Variants in MAPK10 observed in about 807,000 individuals in gnomAD.
MAPK10 encodes the protein mitogen-activated protein kinase 10, also known as JNK3 alpha protein kinase.
In MAPK10, 25 loss-of-function variants were observed where a neutral mutation model predicts 59.3. The observed-to-expected ratio is 0.42, with a 90% CI of 0.31 to 0.59. The LOEUF (loss-of-function observed/expected upper bound fraction) is 0.59, where lower values mean the gene tolerates loss of function less well. MAPK10 is among the 20% of genes least tolerant of loss of function. MAPK10 has a pLI of 0.15. For synonymous variants in MAPK10, 190 were observed against 200.5 expected (o/e 0.95, Z 0.44); for missense variants, 351 against 568.9 (o/e 0.62, Z 3.90).
intron 4 of MAPK10, among the ~76,000 whole-genome samples, chr4:86,129,845 A>T (rs2060693245): frequency 6.6e-6 from 1 of 152,118 alleles, no homozygotes; most frequent in Non-Finnish European, 1.5e-5. Context: ...TAGAAAAGAG[A>T]TTTATCTATG....
chr4:86,135,849 T>C (rs2061948205), intron 4 of MAPK10, among the ~76,000 whole-genome samples: 1 of 152,140 alleles, frequency 6.6e-6, no homozygotes, highest in Admixed American at 6.5e-5. Context: ...AAGGAGCTGA[T>C]GGAGCTGAAA....
At chr4:86,567,729 G>T (rs560916050) in intron 1 of MAPK10, among the ~76,000 whole-genome samples, 3 of 152,076 alleles carry the variant, frequency 2.0e-5, no homozygotes, top group Non-Finnish European at 4.4e-5. Context: ...CTGACATACG[G>T]AGAAATTTAA....
At chr4:86,160,087 A>G (rs1313014243) in intron 3 of MAPK10, among the ~76,000 whole-genome samples, 1 of 152,058 alleles carries the variant, frequency 6.6e-6, no homozygotes, top group Non-Finnish European at 1.5e-5. Context: ...CTAAAATACC[A>G]TATGACACTT....
chr4:86,394,582 A>G (rs1185860109), intron 1 of MAPK10, among the ~76,000 whole-genome samples: 1 of 152,168 alleles, frequency 6.6e-6, no homozygotes, highest in East Asian at 1.9e-4. Context: ...CAGCTGAGAA[A>G]CATTTATTTA....
intron 1 of MAPK10, among the ~76,000 whole-genome samples, chr4:86,391,628 G>T (rs1459201493): frequency 6.6e-6 from 1 of 152,154 alleles, no homozygotes; most frequent in Non-Finnish European, 1.5e-5. Context: ...TCAAGTGAAG[G>T]CAAGAATCCT....
intron 11 of MAPK10, among the ~76,000 whole-genome samples, chr4:86,039,822 T>C (rs951450813): frequency 1.3e-5 from 2 of 152,098 alleles, no homozygotes; most frequent in Non-Finnish European, 2.9e-5. Context: ...TTCAGGCCTA[T>C]CCATGGGGAC....
At chr4:86,094,286 T>G (rs1197965035) in intron 9 of MAPK10, among the ~76,000 whole-genome samples, 1 of 152,002 alleles carries the variant, frequency 6.6e-6, no homozygotes, top group Non-Finnish European at 1.5e-5. Flanking sequence ...TACCTATTCC[T>G]TAATAACTTG....
intron 1 of MAPK10, among the ~76,000 whole-genome samples, chr4:86,504,358 G>A (rs568625002): frequency 1.4e-4 from 21 of 152,108 alleles, no homozygotes; most frequent in Non-Finnish European, 2.8e-4. Flanking sequence ...GATCTGGGAA[G>A]TAGTAAAGTA....
At chr4:86,494,581 C>T (rs529744027) in intron 1 of MAPK10, among the ~76,000 whole-genome samples, 21 of 152,182 alleles carry the variant, frequency 1.4e-4, no homozygotes, top group African/African-American at 5.1e-4. Flanking sequence ...CGTGGTGGCT[C>T]ACACCCGTAA....
chr4:86,423,759 G>C (rs938723375), intron 1 of MAPK10, among the ~76,000 whole-genome samples: 1 of 89,928 alleles, frequency 1.1e-5, no homozygotes, highest in Non-Finnish European at 2.2e-5. Flanking sequence ...GTAATTAGTG[G>C]GATATATATA....
chr4:86,086,514 C>G (rs935426110), intron 9 of MAPK10, among the ~76,000 whole-genome samples: 4 of 151,522 alleles, frequency 2.6e-5, no homozygotes, highest in African/African-American at 7.3e-5. Context: ...CTCATGTGCC[C>G]CATAAATATA....
At chr4:86,579,959 G>T (rs1357577741) in intron 1 of MAPK10, among the ~76,000 whole-genome samples, 1 of 151,872 alleles carries the variant, frequency 6.6e-6, no homozygotes, top group Non-Finnish European at 1.5e-5. Flanking sequence ...GACTACAAAT[G>T]CCTGCCACCA....
chr4:86,397,235 G>T (rs1303123599), intron 1 of MAPK10, among the ~76,000 whole-genome samples: 1 of 152,148 alleles, frequency 6.6e-6, no homozygotes, highest in Non-Finnish European at 1.5e-5. Context: ...ACCCTGTGTG[G>T]TTGGTCTAAC....
At position 86,017,299 on chromosome 4, in the gene MAPK10, C is replaced by A; in HGVS notation, c.1324G>T (p.Asp442Tyr). The A allele has an allele frequency of 6.2e-7, 1 of 1,614,094 alleles. No individual in the cohort carries two copies. Among genetic ancestry groups the A allele is most frequent in the Non-Finnish European group, 8.5e-7 (1 of 1,179,994 alleles). The change falls in exon 14 of 14, where the codon GAC (aspartate) becomes TAC (tyrosine). Residue 442 changes from aspartate (D) to tyrosine (Y), a missense_variant. Asp to Tyr is a radical substitution (Grantham distance 160). Around this residue, in one of 5 missense-constraint regions of MAPK10, gnomAD observed 155 missense variants for 204.2 expected, o/e 0.76. Transcript: ENST00000641462. The surrounding 1 kb of genome is among the most constrained non-coding windows in gnomAD (Gnocchi z 4.4). ...SVNDISSMST[D>Y]QTLASDTDSS... Reference sequence around the variant, plus strand: ...TCAGTGTCAGATGCCAGGGTCTGGTCGGTGGACATGGAGGAGATGTCATTG... The same window carrying A: ...TCAGTGTCAGATGCCAGGGTCTGGTAGGTGGACATGGAGGAGATGTCATTG...
intron 2 of MAPK10, among the ~76,000 whole-genome samples, chr4:86,285,683 G>C (rs1405728110): frequency 6.6e-6 from 1 of 152,100 alleles, no homozygotes; most frequent in Non-Finnish European, 1.5e-5. Flanking sequence ...CAGAGAAACA[G>C]AATCAACAGG....
intron 9 of MAPK10, among the ~76,000 whole-genome samples, chr4:86,077,203 G>C (rs1420407772): frequency 6.6e-6 from 1 of 151,984 alleles, no homozygotes; most frequent in East Asian, 1.9e-4. Context: ...TATTATAATA[G>C]AATAAAACAA....
At chr4:86,215,275 G>T (rs1157334533) in intron 2 of MAPK10, among the ~76,000 whole-genome samples, 1 of 152,166 alleles carries the variant, frequency 6.6e-6, no homozygotes, top group Non-Finnish European at 1.5e-5. Context: ...ATGGATCAAA[G>T]ATCTAAATGT....
intron 2 of MAPK10, among the ~76,000 whole-genome samples, chr4:86,262,981 CAGT>C (rs2094068465): frequency 6.6e-6 from 1 of 152,186 alleles, no homozygotes; most frequent in Non-Finnish European, 1.5e-5. Context: ...ATTGGATGGA[CAGT>C]AGGACAGGAG....
intron 2 of MAPK10, among the ~76,000 whole-genome samples, chr4:86,346,851 A>G (rs113408904): frequency 0.014 from 2,056 of 152,092 alleles, 11 homozygotes; most frequent in African/African-American, 0.015. Context: ...TATTTTATTC[A>G]ATCTTTTTGG....
Sources: allele counts gnomAD v4.1 joint callset (sites outside exome capture counted in the v4.1 genomes callset), GRCh38; gene constraint gnomAD v4.1.1; regional missense constraint gnomAD v4.1.1; non-coding constraint Gnocchi (gnomAD v3.1); transcripts MANE v1.5; gene names NCBI Gene and HGNC (gene_info 2026-07-23, HGNC 2026-07-21).